The following VAV3 variants were observed in gnomAD, a reference collection of about 807,000 sequenced individuals.
The protein encoded by VAV3 is guanine nucleotide exchange factor VAV3.
Under a neutral mutation model 131.2 loss-of-function variants are expected in VAV3, and 94 were observed. That is an observed-to-expected ratio of 0.72 (90% CI 0.61 to 0.85). VAV3 has a LOEUF of 0.85. Ranked by LOEUF, VAV3 falls within the 40% of genes least tolerant of loss-of-function variation. The probability of loss-of-function intolerance (pLI) is 0.00; values close to 1 mark genes in which losing one functional copy is unlikely to be tolerated. For synonymous variants in VAV3, 349 were observed against 342.0 expected, an observed-to-expected ratio of 1.02 and a Z score of -0.22; for missense variants, 939 against 1,002.7, an observed-to-expected ratio of 0.94 and a Z score of 0.86.
At chr1:107,777,493 G>T (rs1287091045) in intron 3 of VAV3, among the ~76,000 whole-genome samples, 197 bp from the exon 4 acceptor site, 1 of 152,170 alleles carries the variant, frequency 6.6e-6, no homozygotes, top group Admixed American at 6.5e-5. Flanking sequence ...TTCCCCTAGG[G>T]AGGCTGTAAC....
At chr1:107,935,456 T>C (rs1030362301) in intron 1 of VAV3, among the ~76,000 whole-genome samples, 1 of 152,180 alleles carries the variant, frequency 6.6e-6, no homozygotes, top group Non-Finnish European at 1.5e-5. Flanking sequence ...TCCTACAGTG[T>C]TACGAGCACT....
chr1:107,788,260 C>T (rs1381174873), intron 2 of VAV3, among the ~76,000 whole-genome samples: 1 of 151,994 alleles, frequency 6.6e-6, no homozygotes, highest in African/African-American at 2.4e-5. Context: ...ACCACCATGC[C>T]AGCCCCAAAA....
chr1:107,920,084 C>A (rs1672822642), intron 1 of VAV3, among the ~76,000 whole-genome samples: 1 of 152,164 alleles, frequency 6.6e-6, no homozygotes, highest in Admixed American at 6.5e-5. Context: ...CTTTAGTTTG[C>A]ATTTCAACCA....
Position 107,575,026 on chromosome 1 carries a change from CGT to C in VAV3, c.2351-830_2351-829del, listed in dbSNP as rs759527600. Among the ~76,000 whole-genome samples, 949 of 97,016 alleles carry C rather than the reference CGT, an allele frequency of 9.8e-3. 12 individuals carry two copies. Among genetic ancestry groups the C allele is most frequent in the East Asian group, 0.023 (97 of 4,210 alleles). 63.6% of individuals were successfully genotyped at this position (97,016 alleles called of 152,430 possible). On this transcript the variant is annotated intron_variant, in intron 25 of 26. Transcript: ENST00000370056. ...GCGCGCGCGCGCGCGCACACGCGCG[CGT>C]GTTTAATATTCGATGGCAGGAGAGG...
intron 17 of VAV3, among the ~76,000 whole-genome samples, chr1:107,692,217 C>T (rs940271259): frequency 6.6e-6 from 1 of 152,060 alleles, no homozygotes; most frequent in Admixed American, 6.5e-5. Context: ...TTCACAAATG[C>T]TATGTTCACT....
chr1:107,631,709 T>A (rs1214781517), intron 20 of VAV3, among the ~76,000 whole-genome samples: 1 of 144,828 alleles, frequency 6.9e-6, no homozygotes, highest in African/African-American at 2.6e-5. Context: ...TTCCCACCTA[T>A]GAGTGAGAAC....
At chr1:107,889,132 AGTGTGTGTGTGTGTGTGTGTGTGT>A (rs5776903) in intron 1 of VAV3, among the ~76,000 whole-genome samples, 1 of 141,926 alleles carries the variant, frequency 7.0e-6, no homozygotes, top group African/African-American at 2.7e-5. Flanking sequence ...TCCTGTGTAG[AGTGTGTGTGTGTGTGTGTGTGTGT>A]GTGTGTGTGT....
chr1:107,811,143 A>G (rs1413647483), intron 2 of VAV3, among the ~76,000 whole-genome samples: 1 of 152,188 alleles, frequency 6.6e-6, no homozygotes, highest in Non-Finnish European at 1.5e-5. Flanking sequence ...AATAACATTG[A>G]CAGGTTTTGT....
chr1:107,798,772 T>C (rs752417801), intron 2 of VAV3, among the ~76,000 whole-genome samples: 4 of 143,330 alleles, frequency 2.8e-5, no homozygotes, highest in Non-Finnish European at 6.1e-5. Context: ...CTGTCAACAA[T>C]GGTGACTATC....
chr1:107,682,182 T>C (rs1017871390), intron 19 of VAV3, among the ~76,000 whole-genome samples: 2 of 152,174 alleles, frequency 1.3e-5, no homozygotes, highest in African/African-American at 2.4e-5. Flanking sequence ...TAAGGGATTC[T>C]AGAAAATTTT....
chr1:107,592,621 C>T (rs565557646), intron 25 of VAV3, among the ~76,000 whole-genome samples: 1 of 152,062 alleles, frequency 6.6e-6, no homozygotes, highest in Non-Finnish European at 1.5e-5. Flanking sequence ...AATCTGTTAA[C>T]ATTACCTTAC....
intron 10 of VAV3, 105 bp from the exon 11 acceptor site, chr1:107,757,434 T>A: frequency 1.0e-6 from 1 of 998,288 alleles, no homozygotes; most frequent in Non-Finnish European, 1.4e-6. Context: ...TTTCTCTCTA[T>A]AATGTGATAA....
intron 2 of VAV3, among the ~76,000 whole-genome samples, chr1:107,865,260 A>G (rs773069162): frequency 1.3e-4 from 20 of 152,152 alleles, no homozygotes; most frequent in Non-Finnish European, 2.5e-4. Context: ...AAGCAGGGGG[A>G]AGGTCCCAGT....
intron 1 of VAV3, among the ~76,000 whole-genome samples, chr1:107,961,425 C>A (rs577004022): frequency 1.1e-4 from 16 of 152,236 alleles, no homozygotes; most frequent in Admixed American, 5.9e-4. Context: ...CTCTTCTCTT[C>A]CAGAATCATT....
intron 15 of VAV3, among the ~76,000 whole-genome samples, chr1:107,716,845 C>A (rs1021965975): frequency 3.3e-5 from 5 of 152,068 alleles, no homozygotes; most frequent in African/African-American, 1.2e-4. Context: ...CTGGTAGAAT[C>A]CGGCTGTGAA....
chr1:107,961,139 A>C (rs1310985276), intron 1 of VAV3, among the ~76,000 whole-genome samples: 1 of 152,168 alleles, frequency 6.6e-6, no homozygotes, highest in Non-Finnish European at 1.5e-5. Flanking sequence ...TCATTTAAAC[A>C]ATTCAAAGTT....
chr1:107,781,570 G>A (rs1156555645), intron 2 of VAV3, among the ~76,000 whole-genome samples: 1 of 152,014 alleles, frequency 6.6e-6, no homozygotes, highest in Non-Finnish European at 1.5e-5. Flanking sequence ...ATAAACAAAA[G>A]AGAAGGGAGC....
At chr1:107,718,747 A>G (rs1465172947) in intron 15 of VAV3, among the ~76,000 whole-genome samples, 3 of 152,210 alleles carry the variant, frequency 2.0e-5, no homozygotes, top group Non-Finnish European at 4.4e-5. Flanking sequence ...CTGCATTACC[A>G]AGACAATCCT....
At chr1:107,646,104 T>G (rs1314879549) in intron 19 of VAV3, among the ~76,000 whole-genome samples, 1 of 152,038 alleles carries the variant, frequency 6.6e-6, no homozygotes, top group Non-Finnish European at 1.5e-5. Context: ...CTTAAAAAAC[T>G]CCATATTTTC....
Sources: gnomAD v4.1 joint callset for allele counts (sites outside exome capture counted in the v4.1 genomes callset) on GRCh38, gnomAD v4.1.1 for gene constraint, MANE v1.5 for transcripts, NCBI Gene and HGNC (gene_info 2026-07-23, HGNC 2026-07-21) for gene names.